Variants in KIAA1191 observed in about 807,000 individuals in gnomAD.
KIAA1191 encodes the protein KIAA1191.
Under a neutral mutation model 31.1 loss-of-function variants are expected in KIAA1191, and 22 were observed. The ratio of observed to expected loss-of-function variants is 0.71; its 90% CI spans 0.51 to 1.01. The LOEUF (loss-of-function observed/expected upper bound fraction) is 1.01. KIAA1191 is among the 50% of genes least tolerant of loss of function. KIAA1191 has a pLI of 0.00. For missense variants in KIAA1191, 319 were observed against 388.0 expected (o/e 0.82, Z 1.49); for synonymous variants, 130 against 143.9 (o/e 0.90, Z 0.69).
At chr5:176,359,617 GTTC>G (rs1205445326) in intron 2 of KIAA1191, 50 bp from the exon 3 acceptor site, 1 of 875,826 alleles carries the variant, frequency 1.1e-6, no homozygotes, top group Non-Finnish European at 1.9e-6. Context: ...CACCAATGCT[GTTC>G]TTCTGGCAGG....
In KIAA1191 at chr5:176,355,243, AAAAAG is replaced by A. The variant is rs1767400049; in HGVS notation, c.207+323_207+327del. Among the ~76,000 whole-genome samples the A allele has an allele frequency of 6.6e-6, 1 of 152,078 alleles. No individual in the cohort carries two copies. Among genetic ancestry groups the A allele is most frequent in the South Asian group, 2.1e-4 (1 of 4,830 alleles). On this transcript the variant is annotated intron_variant, in intron 4 of 8. Coordinates refer to ENST00000298569, the MANE Select transcript of KIAA1191 (RefSeq NM_020444.5). This position sits in a 1 kb window ranked among gnomAD's most constrained non-coding sequence, Gnocchi z 4.2. ...TCTAGTTTTGAATTAAAAAGAAAAA[AAAAAG>A]GAGGGAGATTTAAAAAACCATCTAT...
intron 7 of KIAA1191, 54 bp from the exon 8 acceptor site, chr5:176,348,117 A>G (rs1305333900): frequency 7.5e-6 from 12 of 1,607,414 alleles, no homozygotes; most frequent in Non-Finnish European, 1.0e-5. Flanking sequence ...TCGCCCCTAG[A>G]AATGTCTCAC....
rs1190617557 is a variant in KIAA1191, at chr5:176,347,665, GT to G, written c.852del (p.Lys284AsnfsTer14). ...TTGAGGTTATGGGCCCGTGGTGGCT[GT>G]TTCTTTCCTTCCATCACTGGGATGT... ...KMDIPVMEGK[K>X]QPPRAHNLKP... On this transcript the variant is annotated frameshift_variant, in exon 9 of 9. Transcript: ENST00000298569. LOFTEE classifies it high-confidence loss of function. The G allele has an allele frequency of 6.3e-7, 1 of 1,577,240 alleles. No individual in the cohort carries two copies. The highest frequency in any genetic ancestry group is 8.6e-7 in the Non-Finnish European group (1 of 1,165,144).
intron 3 of KIAA1191, among the ~76,000 whole-genome samples, chr5:176,358,050 T>G (rs1277360154): frequency 6.6e-6 from 1 of 152,194 alleles, no homozygotes; most frequent in Non-Finnish European, 1.5e-5. Context: ...AATCAGAAAT[T>G]AAGCGATTCA....
At chr5:176,349,524 C>T (rs1766807381) in intron 6 of KIAA1191, among the ~76,000 whole-genome samples, 1 of 152,090 alleles carries the variant, frequency 6.6e-6, no homozygotes, top group Non-Finnish European at 1.5e-5. Context: ...TACTAAAAAT[C>T]AGCTGGGCAT....
Position 176,355,757 on chromosome 5 carries a change from C to T in KIAA1191, c.29-8G>A, listed in dbSNP as rs1767460402. 2 of 1,613,856 alleles carry T rather than the reference C, an allele frequency of 1.2e-6. No individual in the cohort carries two copies. The highest frequency in any genetic ancestry group is 1.7e-6 in the Non-Finnish European group (2 of 1,179,970). On this transcript the variant is annotated splice_polypyrimidine_tract_variant and splice_region_variant and intron_variant, in intron 3 of 8. Coordinates refer to ENST00000298569, the MANE Select transcript of KIAA1191 (RefSeq NM_020444.5). The surrounding 1 kb of genome is among the most constrained non-coding windows in gnomAD (Gnocchi z 4.2). ...GCGCACTAGCCTCAAGAGCTAAGAA[C>T]AGAGACACCTGTCAAGACAGGTTCA...
rs1005081311 is a variant in KIAA1191, at chr5:176,355,504, A to G, written c.207+67T>C. ...TCCCATGGGCACAGGGAGCCACTGAAGGCTTCTGGAGCAGAGGAAGGACAA... is the reference window on the plus strand; with the variant it reads ...TCCCATGGGCACAGGGAGCCACTGAGGGCTTCTGGAGCAGAGGAAGGACAA... On this transcript the variant is annotated intron_variant, in intron 4 of 8. Transcript: ENST00000298569. The surrounding 1 kb of genome is among the most constrained non-coding windows in gnomAD (Gnocchi z 4.2). The G allele has an allele frequency of 3.3e-6, 5 of 1,499,628 alleles. No individual in the cohort carries two copies. The highest frequency in any genetic ancestry group is 3.8e-5 in the Admixed American group (2 of 53,228). The allele number at this position is 1,499,628 out of a possible 1,614,324, so 92.9% of individuals were successfully genotyped here.
Position 176,352,911 on chromosome 5 carries a change from T to C in KIAA1191, c.208-163A>G, listed in dbSNP as rs372277786. ...TCATCTCCACCCAGCTAGATAGGTA[T>C]TATCCATAGAGACAACAAAGAAAGA... On this transcript the variant is annotated intron_variant, in intron 4 of 8. Coordinates refer to ENST00000298569, the MANE Select transcript of KIAA1191 (RefSeq NM_020444.5). Among the ~76,000 whole-genome samples the C allele has an allele frequency of 3.0e-4, 45 of 152,300 alleles. No individual in the cohort carries two copies. The South Asian group carries it at 7.9e-3, about 27-fold the overall frequency.
In KIAA1191 at chr5:176,355,715, G is replaced by A. The variant is rs143263997; in HGVS notation, c.63C>T (p.Ser21=). Residue 21 remains serine (S), a synonymous_variant, in exon 4 of 9, where the codon TCC becomes TCT. Coordinates refer to ENST00000298569, the MANE Select transcript of KIAA1191 (RefSeq NM_020444.5). This position sits in a 1 kb window ranked among gnomAD's most constrained non-coding sequence, Gnocchi z 4.2. ...LEASAPLGKM[S]LPIGIYRRAV... The stretch of plus-strand genomic sequence containing the variant: ...CCCGGCGGTATATCCCGATGGGCAG[G>A]GACATCTTGCCTAGAGGCGCACTAG... The A allele has an allele frequency of 7.4e-5, 119 of 1,613,836 alleles. No individual in the cohort carries two copies. Among genetic ancestry groups the A allele is most frequent in the Admixed American group, 4.3e-4 (26 of 60,000 alleles).
chr5:176,354,043 G>A (rs975462204), intron 4 of KIAA1191, among the ~76,000 whole-genome samples: 1 of 152,238 alleles, frequency 6.6e-6, no homozygotes. Context: ...CTGAAAGTCT[G>A]TTGGAGGCGG....
chr5:176,360,739 T>C (rs972749168), intron 1 of KIAA1191, among the ~76,000 whole-genome samples: 1 of 151,662 alleles, frequency 6.6e-6, no homozygotes, highest in African/African-American at 2.4e-5. Context: ...AGGCGGAGGT[T>C]GCAGTGAGCC....
chr5:176,359,587 C>T lies in KIAA1191; in HGVS notation c.-59-20G>A. On this transcript the variant is annotated intron_variant, in intron 2 of 8. Transcript: ENST00000298569. ...TGCCACCTAATAAAATAACAAAGGG[C>T]ATTTTCTTATGGTGAGCAGCACCAA... 8.8e-7 allele frequency: 1 copy of T among 1,140,648 alleles called. No individual in the cohort carries two copies. The highest frequency in any genetic ancestry group is 1.2e-5 in the South Asian group (1 of 81,304). 70.7% of individuals were successfully genotyped at this position (1,140,648 alleles called of 1,614,324 possible). A position where few individuals can be genotyped will look rare whatever the true frequency, so the allele number is the denominator to read the frequency against.
At chr5:176,354,991 G>A (rs1767377028) in intron 4 of KIAA1191, among the ~76,000 whole-genome samples, 1 of 152,180 alleles carries the variant, frequency 6.6e-6, no homozygotes, top group Admixed American at 6.5e-5. Flanking sequence ...AGGACAGGAT[G>A]TGGATGGCAA....
At position 176,346,500 on chromosome 5, in the gene KIAA1191, T is replaced by A. The variant is rs1484697309; in HGVS notation, c.*1100A>T. The A allele has an allele frequency of 2.0e-5, 3 of 152,262 alleles. No individual in the cohort carries two copies. Among genetic ancestry groups the A allele is most frequent in the Non-Finnish European group, 4.4e-5 (3 of 68,052 alleles). The allele number at this position is 152,262 out of a possible 1,614,324, so 9.4% of individuals were successfully genotyped here. ...AACGGTATCTACCATCTCCTTTACT[T>A]TAAAAAAGTTTAATGTCCATTTACC... On this transcript the variant is annotated 3_prime_UTR_variant, in exon 9 of 9. Coordinates refer to ENST00000298569, the MANE Select transcript of KIAA1191 (RefSeq NM_020444.5).
intron 5 of KIAA1191, 62 bp from the exon 6 acceptor site, chr5:176,350,799 C>A: frequency 6.3e-7 from 1 of 1,589,450 alleles, no homozygotes; most frequent in Non-Finnish European, 8.6e-7. Flanking sequence ...ATAAGGAGGA[C>A]AACATGGATA....
In KIAA1191 at chr5:176,352,641, G is replaced by T. The variant is rs578212901; in HGVS notation, c.315C>A (p.Ile105=). The part of the protein sequence containing the change: ...PVVKAKATHV[I]MNSLITKQTQ... ...GCTTACTTGTGATCAGAGAATTCAT[G>T]ATGACATGGGTAGCTTTAGCCTTCA... The change falls in exon 5 of 9, where the codon ATC becomes ATA. Residue 105 remains isoleucine (I), a synonymous_variant. Transcript: ENST00000298569. 18 of 1,613,856 alleles carry T rather than the reference G, an allele frequency of 1.1e-5. No homozygotes were observed. In the South Asian group the frequency reaches 2.0e-4, roughly 18 times the overall value.
chr5:176,354,056 G>T (rs889816584), intron 4 of KIAA1191: 2 of 152,146 alleles, frequency 1.3e-5, no homozygotes, highest in Non-Finnish European at 2.9e-5. Flanking sequence ...GGAGGCGGGG[G>T]GAAAAACACT....
chr5:176,360,673 C>T (rs1445233016), intron 1 of KIAA1191, among the ~76,000 whole-genome samples: 2 of 151,708 alleles, frequency 1.3e-5, no homozygotes, highest in Admixed American at 6.6e-5. Flanking sequence ...TGGTGGCGGG[C>T]GCCTGTAATC....
chr5:176,352,161 A>C (rs1767075880), intron 5 of KIAA1191, among the ~76,000 whole-genome samples: 2 of 149,644 alleles, frequency 1.3e-5, no homozygotes, highest in Admixed American at 6.6e-5. Flanking sequence ...GTTTAAAAAA[A>C]AAAAAACAAA....
Sources: allele counts gnomAD v4.1 joint callset (sites outside exome capture counted in the v4.1 genomes callset), GRCh38; gene constraint gnomAD v4.1.1; non-coding constraint Gnocchi (gnomAD v3.1); transcripts MANE v1.5; gene names NCBI Gene and HGNC (gene_info 2026-07-23, HGNC 2026-07-21).